MMP12: variants seen among roughly 807,000 people sequenced by gnomAD.
MMP12 encodes matrix metallopeptidase 12.
In MMP12, 51 loss-of-function variants were observed where a neutral mutation model predicts 45.2. The observed-to-expected ratio is 1.13, with a 90% CI of 0.90 to 1.42. The LOEUF is 1.42. Among genes scored for constraint, MMP12 ranks in the 40% most tolerant of loss-of-function variants. The pLI is 0.00. For synonymous variants in MMP12, 210 were observed against 193.3 expected, an observed-to-expected ratio of 1.09 and a Z score of -0.72; for missense variants, 530 against 570.8, an observed-to-expected ratio of 0.93 and a Z score of 0.73.
Position 102,871,869 on chromosome 11 carries a change from G to A in MMP12, c.434C>T (p.Thr145Ile). Residue 145 changes from threonine (T) to isoleucine (I), a missense_variant, in exon 3 of 10, where the codon ACC becomes ATC. Thr to Ile is a moderately conservative substitution (Grantham distance 89). Transcript: ENST00000571244. ...GTTAATCTTGCTGAATTTCAAGGGG[G>A]TAACATTACTCCATACTTGGAAAGC... The part of the protein sequence containing the change: ...RKAFQVWSNV[T>I]PLKFSKINTG... The A allele has an allele frequency of 6.2e-7, 1 of 1,613,824 alleles. No individual in the cohort carries two copies.
intron 4 of MMP12, among the ~76,000 whole-genome samples, chr11:102,868,454 C>T (rs1257450156): frequency 2.0e-5 from 3 of 152,140 alleles, no homozygotes; most frequent in African/African-American, 4.8e-5. Flanking sequence ...CTCACAGCTG[C>T]GTTCAACAGT....
At chr11:102,864,000 G>A (rs28381694) in intron 9 of MMP12, 146 bp downstream of exon 9, 5 of 648,910 alleles carry the variant, frequency 7.7e-6, no homozygotes, top group Admixed American at 5.1e-5. Context: ...TCAGAGCCAC[G>A]TACAGTGTGA....
At chr11:102,871,155 A>G (rs1032308615) in intron 4 of MMP12, among the ~76,000 whole-genome samples, 1 of 152,096 alleles carries the variant, frequency 6.6e-6, no homozygotes, top group Non-Finnish European at 1.5e-5. Context: ...GCTTGAGCAC[A>G]GGAGTTCCGG....
chr11:102,870,589 T>G (rs1296725167), intron 4 of MMP12, among the ~76,000 whole-genome samples: 2 of 152,166 alleles, frequency 1.3e-5, no homozygotes, highest in African/African-American at 4.8e-5. Context: ...AATAGAAAAA[T>G]TAAGAAGGCT....
In MMP12 at chr11:102,868,027, G is replaced by A; in HGVS notation, c.668C>T (p.Ser223Phe). ...FLTAVHEIGH[S>F]LGLGHSSDPK... ...ATCACTAGAATGGCCAAGACCTAAGGAATGGCCAATCTCGTGAACAGCAGT... is the reference window on the plus strand; with the variant it reads ...ATCACTAGAATGGCCAAGACCTAAGAAATGGCCAATCTCGTGAACAGCAGT... Residue 223 changes from serine (S) to phenylalanine (F), a missense_variant, in exon 5 of 10, where the codon TCC becomes TTC. Coordinates refer to ENST00000571244, the MANE Select transcript of MMP12 (RefSeq NM_002426.6). 6.2e-7 allele frequency: 1 copy of A among 1,604,220 alleles called. No individual in the cohort carries two copies. The highest frequency in any genetic ancestry group is 8.5e-7 in the Non-Finnish European group (1 of 1,175,380).
In MMP12 at chr11:102,867,265, C is replaced by A. The variant is rs1472403712; in HGVS notation, c.911+5G>T. 39 of 1,582,400 alleles carry A rather than the reference C, an allele frequency of 2.5e-5. No homozygotes were observed. Among genetic ancestry groups the A allele is most frequent in the Non-Finnish European group, 3.3e-5 (39 of 1,166,354 alleles). On this transcript the variant is annotated splice_donor_5th_base_variant and intron_variant, in intron 6 of 9. Coordinates refer to ENST00000571244, the MANE Select transcript of MMP12 (RefSeq NM_002426.6). ...AATATTGGTTAGATATGAAAATGAT[C>A]CTACCTGTCTTTGAAGAAAAAGATC...
rs542396495 is a variant in MMP12, at chr11:102,863,895, G to T, written c.1312+251C>A. ...GGAAATTCCAGAGACTCAGGTACATGAGAAATAGGAACAATCACATTCCCT... is the reference window on the plus strand; with the variant it reads ...GGAAATTCCAGAGACTCAGGTACATTAGAAATAGGAACAATCACATTCCCT... On this transcript the variant is annotated intron_variant, in intron 9 of 9. Coordinates refer to ENST00000571244, the MANE Select transcript of MMP12 (RefSeq NM_002426.6). Among the ~76,000 whole-genome samples the T allele has an allele frequency of 5.3e-5, 8 of 152,292 alleles. No individual in the cohort carries two copies. The East Asian group carries it at 1.5e-3, about 29-fold the overall frequency.
At position 102,871,784 on chromosome 11, in the gene MMP12, A is replaced by C. The variant is rs1170986272; in HGVS notation, c.499+20T>G. On this transcript the variant is annotated intron_variant, in intron 3 of 9. Coordinates refer to ENST00000571244, the MANE Select transcript of MMP12 (RefSeq NM_002426.6). ...CTATAGATCATGCCAAATGACAAAG[A>C]TGAAATACAAGTTCCCTACCTCCAC... is the stretch of plus-strand genomic sequence containing the variant. 6.2e-7 allele frequency: 1 copy of C among 1,613,016 alleles called. No individual in the cohort carries two copies. Among genetic ancestry groups the C allele is most frequent in the Non-Finnish European group, 8.5e-7 (1 of 1,179,486 alleles).
rs782631915 is a variant in MMP12 at position 102,871,876 on chromosome 11, T to C, written c.427A>G (p.Asn143Asp). Residue 143 changes from asparagine (N) to aspartate (D), a missense_variant, in exon 3 of 10, where the codon AAT becomes GAT. Physicochemically the swap from Asn to Asp is conservative, Grantham distance 23. Coordinates refer to ENST00000571244, the MANE Select transcript of MMP12 (RefSeq NM_002426.6). ...TTGCTGAATTTCAAGGGGGTAACATTACTCCATACTTGGAAAGCTTTCCGG... is the reference window on the plus strand; with the variant it reads ...TTGCTGAATTTCAAGGGGGTAACATCACTCCATACTTGGAAAGCTTTCCGG... The part of the protein sequence containing the change: ...AIRKAFQVWS[N>D]VTPLKFSKIN... The C allele has an allele frequency of 1.2e-6, 2 of 1,613,738 alleles. No individual in the cohort carries two copies. Among genetic ancestry groups the C allele is most frequent in the African/African-American group, 1.3e-5 (1 of 74,920 alleles).
chr11:102,865,118 T>A lies in MMP12; in HGVS notation c.1205+658A>T, dbSNP rs1859362396. On this transcript the variant is annotated intron_variant, in intron 8 of 9. Coordinates refer to ENST00000571244, the MANE Select transcript of MMP12 (RefSeq NM_002426.6). This position sits in a 1 kb window ranked among gnomAD's most constrained non-coding sequence, Gnocchi z 4.1. ...CATCCGGTATTCAATTGGAATTAGA[T>A]ATTGTGTTTTAAATGCTTAAGAATA... is the stretch of plus-strand genomic sequence containing the variant. 6.6e-6 allele frequency among the ~76,000 whole-genome samples: 1 copy of A among 152,162 alleles called. No homozygotes were observed. The highest frequency in any genetic ancestry group is 2.4e-5 in the African/African-American group (1 of 41,442).
In MMP12 at chr11:102,868,031, G is replaced by A; in HGVS notation, c.664C>T (p.His222Tyr). 1 of 1,603,152 alleles carries A rather than the reference G, an allele frequency of 6.2e-7. No homozygotes were observed. The highest frequency in any genetic ancestry group is 8.5e-7 in the Non-Finnish European group (1 of 1,174,852). ...CTAGAATGGCCAAGACCTAAGGAAT[G>A]GCCAATCTCGTGAACAGCAGTGAGG... ...LFLTAVHEIG[H>Y]SLGLGHSSDP... The change falls in exon 5 of 10, where the codon CAT becomes TAT. Residue 222 changes from histidine to tyrosine, a missense_variant. Transcript: ENST00000571244.
chr11:102,870,799 T>G (rs988398670), intron 4 of MMP12, among the ~76,000 whole-genome samples: 3 of 152,246 alleles, frequency 2.0e-5, no homozygotes, highest in Admixed American at 6.5e-5. Context: ...TGTATAATCT[T>G]GTGTTTCTCT....
rs781783954 is a variant in MMP12, at chr11:102,872,894, G to A, written c.321C>T (p.Pro107=). The change falls in exon 2 of 10, where the codon CCC becomes CCT. Residue 107 remains proline (P), a synonymous_variant. Coordinates refer to ENST00000571244, the MANE Select transcript of MMP12 (RefSeq NM_002426.6). The part of the protein sequence containing the change: ...VHHFREMPGG[P]VWRKHYITYR... ...AGGTGATATAATGTTTCCTCCATAC[G>A]GGCCCCCCTGGCATTTCCCTGAAAT... 4 of 1,613,688 alleles carry A rather than the reference G, an allele frequency of 2.5e-6. No individual in the cohort carries two copies. Among genetic ancestry groups the A allele is most frequent in the Admixed American group, 3.3e-5 (2 of 59,972 alleles).
chr11:102,865,021 G>A lies in MMP12; in HGVS notation c.1205+755C>T, dbSNP rs1018773087. On this transcript the variant is annotated intron_variant, in intron 8 of 9. Transcript: ENST00000571244. This position sits in a 1 kb window ranked among gnomAD's most constrained non-coding sequence, Gnocchi z 4.1. Reference sequence around the variant, plus strand: ...CACCCATTTGTGAGCTCTTTGGAAAGTGTTATTTGCTAAAATCAAGTTTTG... The same window carrying A: ...CACCCATTTGTGAGCTCTTTGGAAAATGTTATTTGCTAAAATCAAGTTTTG... Among the ~76,000 whole-genome samples the A allele has an allele frequency of 1.3e-5, 2 of 152,202 alleles. No homozygotes were observed. Among genetic ancestry groups the A allele is most frequent in the Admixed American group, 6.5e-5 (1 of 15,274 alleles).
rs1451683109 is a variant in MMP12 at position 102,866,248 on chromosome 11, T to G, written c.1045+67A>C. The G allele has an allele frequency of 2.9e-6, 4 of 1,403,018 alleles. No individual in the cohort carries two copies. The African/African-American group carries it at 4.4e-5, about 15-fold the overall frequency. The allele number at this position is 1,403,018 out of a possible 1,614,324, so 86.9% of individuals were successfully genotyped here. ...TTGGTCTATATCTATTAAAAAGTAG[T>G]AGTCTCTTCTCAATTTATTCTCTTC... On this transcript the variant is annotated intron_variant, in intron 7 of 9. Coordinates refer to ENST00000571244, the MANE Select transcript of MMP12 (RefSeq NM_002426.6).
chr11:102,863,964 G>T (rs988280227), intron 9 of MMP12, among the ~76,000 whole-genome samples, 182 bp downstream of exon 9: 3 of 152,160 alleles, frequency 2.0e-5, no homozygotes, highest in Non-Finnish European at 4.4e-5. Flanking sequence ...TGTGCCACCA[G>T]CCCCTGCTCA....
At position 102,871,130 on chromosome 11, in the gene MMP12, T is replaced by G. The variant is rs28381670; in HGVS notation, c.625+464A>C. On this transcript the variant is annotated intron_variant, in intron 4 of 9. Coordinates refer to ENST00000571244, the MANE Select transcript of MMP12 (RefSeq NM_002426.6). ...CTGTGGTCCTAGCTACTAGGGAGGT[T>G]GAAGTGGGAGGTTTGCTTGAGCACA... Among the ~76,000 whole-genome samples the G allele has an allele frequency of 7.9e-3, 1,200 of 152,086 alleles. 17 individuals are homozygous for G. Among genetic ancestry groups the G allele is most frequent in the African/African-American group, 0.027 (1,134 of 41,468 alleles).
At position 102,866,463 on chromosome 11, in the gene MMP12, A is replaced by T; in HGVS notation, c.912-15T>A. The T allele has an allele frequency of 6.2e-7, 1 of 1,609,458 alleles. No homozygotes were observed. The highest frequency in any genetic ancestry group is 1.1e-5 in the South Asian group (1 of 89,478). Reference sequence around the variant, plus strand: ...GCCAGAAGAACCTGACATGAAAGACATTTGACACATGTTAAAAGACAATGT... The same window carrying T: ...GCCAGAAGAACCTGACATGAAAGACTTTTGACACATGTTAAAAGACAATGT... On this transcript the variant is annotated splice_polypyrimidine_tract_variant and intron_variant, in intron 6 of 9. Transcript: ENST00000571244.
chr11:102,874,028 C>CAAAAAAAAAAAA (rs35364937), intron 1 of MMP12, among the ~76,000 whole-genome samples: 1 of 97,462 alleles, frequency 1.0e-5, no homozygotes, highest in Admixed American at 1.0e-4. Context: ...AACCCTGTCT[C>CAAAAAAAAAAAA]AAAAAAAAAA....
Sources: allele counts gnomAD v4.1 joint callset (sites outside exome capture counted in the v4.1 genomes callset), GRCh38; gene constraint gnomAD v4.1.1; non-coding constraint Gnocchi (gnomAD v3.1); transcripts MANE v1.5; gene names NCBI Gene and HGNC (gene_info 2026-07-23, HGNC 2026-07-21).